The following FNDC1 variants were observed in gnomAD, a reference collection of about 807,000 sequenced individuals.
The protein encoded by FNDC1 is fibronectin type III domain containing 1, also known as fibronectin type III domain-containing protein 1.
FNDC1 carries 96 observed loss-of-function variants against 168.0 expected under a neutral mutation model. The ratio of observed to expected loss-of-function variants is 0.57; its 90% confidence interval spans 0.48 to 0.68. The LOEUF (loss-of-function observed/expected upper bound fraction) is 0.68, where lower values mean the gene tolerates loss of function less well. Ranked by LOEUF, FNDC1 falls within the 30% of genes least tolerant of loss-of-function variation. FNDC1 has a pLI of 0.00. For missense variants in FNDC1, 2,587 were observed against 2,482.1 expected, an observed-to-expected ratio of 1.04 and a Z score of -0.90; for synonymous variants, 1,099 against 1,025.9, an observed-to-expected ratio of 1.07 and a Z score of -1.36.
rs142775603 is a variant in FNDC1, at chr6:159,235,759, C to T, written c.3968-456C>T. On this transcript the variant is annotated intron_variant, in intron 11 of 22. Transcript: ENST00000297267. ...TGAGACAGCATTGTGCTTTTATACT[C>T]GGCGATTGGTGATTGGGACCTGAGT... is the stretch of plus-strand genomic sequence containing the variant. 2.8e-3 allele frequency among the ~76,000 whole-genome samples: 434 copies of T among 152,294 alleles called. 2 individuals are homozygous for T. The highest frequency in any genetic ancestry group is 0.01 in the African/African-American group (419 of 41,566).
intron 17 of FNDC1, among the ~76,000 whole-genome samples, chr6:159,254,522 A>G (rs1777333300): frequency 6.6e-6 from 1 of 152,036 alleles, no homozygotes; most frequent in Non-Finnish European, 1.5e-5. Context: ...CCTGGCTAAC[A>G]TGGTGAAACT....
At chr6:159,237,846 T>G (rs1000934997) in intron 12 of FNDC1, among the ~76,000 whole-genome samples, 2 of 152,250 alleles carry the variant, frequency 1.3e-5, no homozygotes, top group African/African-American at 4.8e-5. Context: ...TAACCAGCCC[T>G]GTAATCTGAG....
intron 5 of FNDC1, 126 bp from the exon 6 acceptor site, chr6:159,221,472 C>T (rs1583882460): frequency 2.7e-6 from 2 of 730,678 alleles, no homozygotes; most frequent in South Asian, 3.4e-5. Flanking sequence ...TGGGAATACC[C>T]CCAGAAAGAG....
rs572397626 is a variant in FNDC1, at chr6:159,262,673, G to A, written c.5254+1404G>A. On this transcript the variant is annotated intron_variant, in intron 19 of 22. Transcript: ENST00000297267. Reference sequence around the variant, plus strand: ...TTCTGAGAGTAAAAGTGATATACACGTAACTTCTGGAGCTGCAATCTAAAG... The same window carrying A: ...TTCTGAGAGTAAAAGTGATATACACATAACTTCTGGAGCTGCAATCTAAAG... Among the ~76,000 whole-genome samples, 11 of 152,160 alleles carry A rather than the reference G, an allele frequency of 7.2e-5. No homozygotes were observed. In the South Asian group the frequency reaches 1.9e-3, roughly 26 times the overall value.
chr6:159,223,678 G>A (rs765308841), intron 7 of FNDC1, 33 bp downstream of exon 7: 14 of 1,347,098 alleles, frequency 1.0e-5, no homozygotes, highest in Non-Finnish European at 1.5e-5. Flanking sequence ...CTTTATATAT[G>A]AGAGATGGGG....
intron 4 of FNDC1, among the ~76,000 whole-genome samples, chr6:159,209,887 G>C (rs1298313650): frequency 1.3e-5 from 2 of 152,162 alleles, no homozygotes; most frequent in Non-Finnish European, 2.9e-5. Flanking sequence ...GGTTGGCTGA[G>C]GGGTGCTCCT....
chr6:159,234,571 C>G, intron 11 of FNDC1, 92 bp downstream of exon 11: 1 of 1,153,722 alleles, frequency 8.7e-7, no homozygotes, highest in East Asian at 2.5e-5. Flanking sequence ...CATTTAGCAC[C>G]TACTATGTCC....
chr6:159,226,410 C>A, intron 8 of FNDC1, 63 bp from the exon 9 acceptor site: 1 of 1,256,326 alleles, frequency 8.0e-7, no homozygotes, highest in Non-Finnish European at 1.1e-6. Flanking sequence ...AGACCATGTG[C>A]TATTTACATC....
At chr6:159,188,852 AT>A (rs1782066826) in intron 1 of FNDC1, among the ~76,000 whole-genome samples, 1 of 150,170 alleles carries the variant, frequency 6.7e-6, no homozygotes, top group African/African-American at 2.5e-5. Context: ...GGTTCAAGCG[AT>A]TATCCTGCCT....
chr6:159,258,662 A>T (rs1306755419), intron 18 of FNDC1, among the ~76,000 whole-genome samples: 1 of 152,194 alleles, frequency 6.6e-6, no homozygotes, highest in Non-Finnish European at 1.5e-5. Context: ...TCCTCTCCTG[A>T]GGTGCCCACC....
chr6:159,188,287 T>C (rs1782045019), intron 1 of FNDC1, among the ~76,000 whole-genome samples: 1 of 152,206 alleles, frequency 6.6e-6, no homozygotes, highest in African/African-American at 2.4e-5. Flanking sequence ...CTCCTTGGCA[T>C]TTGCTGCAGG....
intron 4 of FNDC1, among the ~76,000 whole-genome samples, chr6:159,205,003 C>T (rs1161865817): frequency 6.6e-6 from 1 of 152,130 alleles, no homozygotes. Flanking sequence ...CCTCACTGCT[C>T]CCTGCCCTCC....
chr6:159,205,417 A>G (rs893680763), intron 4 of FNDC1, among the ~76,000 whole-genome samples: 17 of 152,178 alleles, frequency 1.1e-4, no homozygotes, highest in African/African-American at 3.6e-4. Context: ...TGAAAACTCT[A>G]AACCTAGTGT....
chr6:159,185,925 C>T (rs1781988241), intron 1 of FNDC1, among the ~76,000 whole-genome samples: 2 of 152,166 alleles, frequency 1.3e-5, no homozygotes, highest in Non-Finnish European at 2.9e-5. Context: ...GTGGTGGTTT[C>T]TGAATTTAAT....
intron 20 of FNDC1, 42 bp downstream of exon 20, chr6:159,265,046 A>C (rs769859266): frequency 1.3e-6 from 2 of 1,526,724 alleles, no homozygotes; most frequent in Non-Finnish European, 1.8e-6. Flanking sequence ...CTGGTAATCA[A>C]GTTGAATATT....
chr6:159,251,930 G>A lies in FNDC1; in HGVS notation c.5065+398G>A, dbSNP rs186546206. On this transcript the variant is annotated intron_variant, in intron 17 of 22. Coordinates refer to ENST00000297267, the MANE Select transcript of FNDC1 (RefSeq NM_032532.3). ...CAGGATCAGATCCTGCAGTGAGCGT[G>A]ACCATAAGCTCCCGCTGGGCCACAC... 1.3e-4 allele frequency among the ~76,000 whole-genome samples: 20 copies of A among 152,314 alleles called. No individual in the cohort carries two copies. The East Asian group carries it at 3.7e-3, about 28-fold the overall frequency.
chr6:159,187,440 A>G (rs915648859), intron 1 of FNDC1, among the ~76,000 whole-genome samples: 4 of 152,162 alleles, frequency 2.6e-5, no homozygotes, highest in African/African-American at 9.7e-5. Context: ...CCAAAGAGCT[A>G]GGGTTTGATT....
chr6:159,269,427 A>AT lies in FNDC1; in HGVS notation c.5569+1501_5569+1502insT, dbSNP rs1777680503. Among the ~76,000 whole-genome samples, 9 of 79,402 alleles carry AT rather than the reference A, an allele frequency of 1.1e-4. 1 individual carries two copies. The South Asian group carries it at 4.5e-3, about 40-fold the overall frequency. 52.1% of individuals were successfully genotyped at this position (79,402 alleles called of 152,430 possible). On this transcript the variant is annotated intron_variant, in intron 22 of 22. Transcript: ENST00000297267. Reference sequence around the variant, plus strand: ...TATGTATGTATGTATGTATGTATGTAGGTATCCATCCATTATCTACCTATT... The same window carrying AT: ...TATGTATGTATGTATGTATGTATGTATGGTATCCATCCATTATCTACCTATT...
At chr6:159,211,478 A>G (rs986707526) in intron 4 of FNDC1, among the ~76,000 whole-genome samples, 23 of 152,236 alleles carry the variant, frequency 1.5e-4, no homozygotes, top group African/African-American at 9.6e-5. Flanking sequence ...TCATCTGGCT[A>G]TAGGCAACCT....
Sources: allele counts gnomAD v4.1 joint callset (sites outside exome capture counted in the v4.1 genomes callset), GRCh38; gene constraint gnomAD v4.1.1; transcripts MANE v1.5; gene names NCBI Gene and HGNC (gene_info 2026-07-23, HGNC 2026-07-21).